Variants in LRFN2 observed in about 807,000 individuals in gnomAD.
LRFN2 encodes leucine-rich repeat and fibronectin type-III domain-containing protein 2.
LRFN2 carries 18 observed loss-of-function variants against 37.3 expected under a neutral mutation model. That is an observed-to-expected ratio of 0.48 (90% CI 0.33 to 0.72). The LOEUF (loss-of-function observed/expected upper bound fraction) is 0.72. LRFN2 is among the 30% of genes least tolerant of loss of function. The pLI is 0.02. For missense variants in LRFN2, 1,006 were observed against 1,060.7 expected (o/e 0.95, Z 0.72); for synonymous variants, 556 against 466.6 (o/e 1.19, Z -2.47).
intron 1 of LRFN2, among the ~76,000 whole-genome samples, chr6:40,447,825 C>T (rs1349614172): frequency 6.6e-6 from 1 of 152,158 alleles, no homozygotes; most frequent in Admixed American, 6.5e-5. Context: ...GCCCCTCATC[C>T]ATCTGGGCTC....
At position 40,554,371 on chromosome 6, in the gene LRFN2, C is replaced by T. The variant is rs1322600552; in HGVS notation, c.-19+32570G>A. On this transcript the variant is annotated intron_variant, in intron 1 of 2. Transcript: ENST00000338305. The stretch of plus-strand genomic sequence containing the variant: ...CGGCTGTCTCCCTGCCTTGGTTCCA[C>T]TCAGGAGAGAGCTAGAATGCAAGAT... 3.3e-5 allele frequency among the ~76,000 whole-genome samples: 5 copies of T among 152,240 alleles called. No homozygotes were observed. The East Asian group carries it at 9.7e-4, about 29-fold the overall frequency.
intron 1 of LRFN2, among the ~76,000 whole-genome samples, chr6:40,560,949 C>G (rs1299208525): frequency 6.6e-6 from 1 of 152,184 alleles, no homozygotes; most frequent in Non-Finnish European, 1.5e-5. Context: ...CCTCTGTCTT[C>G]CCTGTCTGTA....
intron 2 of LRFN2, among the ~76,000 whole-genome samples, chr6:40,424,887 G>T (rs962479929): frequency 1.3e-5 from 2 of 152,212 alleles, no homozygotes; most frequent in Non-Finnish European, 2.9e-5. Context: ...CATGGCCCCA[G>T]ATCCTGAGAT....
chr6:40,468,535 T>G (rs1458056509), intron 1 of LRFN2, among the ~76,000 whole-genome samples: 1 of 152,262 alleles, frequency 6.6e-6, no homozygotes, highest in African/African-American at 2.4e-5. Flanking sequence ...TTGTGTGCAC[T>G]TATTCCATTA....
chr6:40,475,283 A>G (rs1189549135), intron 1 of LRFN2, among the ~76,000 whole-genome samples: 1 of 152,210 alleles, frequency 6.6e-6, no homozygotes, highest in Non-Finnish European at 1.5e-5. Context: ...ATCGCAGGGA[A>G]GAGAGACAAG....
chr6:40,498,868 A>G (rs1405072501), intron 1 of LRFN2, among the ~76,000 whole-genome samples: 1 of 152,224 alleles, frequency 6.6e-6, no homozygotes, highest in Non-Finnish European at 1.5e-5. Flanking sequence ...TAAATAGTCC[A>G]CAAACATTTA....
chr6:40,544,482 C>T (rs1374090918), intron 1 of LRFN2, among the ~76,000 whole-genome samples: 1 of 152,214 alleles, frequency 6.6e-6, no homozygotes, highest in Non-Finnish European at 1.5e-5. Flanking sequence ...TGTTCCCCTG[C>T]AGCACCCTGG....
chr6:40,548,874 G>A (rs1766714117), intron 1 of LRFN2, among the ~76,000 whole-genome samples: 1 of 152,174 alleles, frequency 6.6e-6, no homozygotes, highest in Non-Finnish European at 1.5e-5. Flanking sequence ...ACAGAGCACA[G>A]GGAAATGAAG....
At chr6:40,410,174 C>T (rs1255300949) in intron 2 of LRFN2, among the ~76,000 whole-genome samples, 2 of 152,116 alleles carry the variant, frequency 1.3e-5, no homozygotes, top group East Asian at 1.9e-4. Flanking sequence ...GGAGCAGAGC[C>T]GTCCCCACCC....
At chr6:40,435,903 G>C (rs1763661863) in intron 1 of LRFN2, among the ~76,000 whole-genome samples, 1 of 151,996 alleles carries the variant, frequency 6.6e-6, no homozygotes, top group Non-Finnish European at 1.5e-5. Flanking sequence ...GCCTCTTTAA[G>C]GGTAAATCTC....
intron 1 of LRFN2, among the ~76,000 whole-genome samples, chr6:40,448,169 C>T (rs1003124277): frequency 1.5e-4 from 23 of 152,114 alleles, no homozygotes; most frequent in African/African-American, 4.6e-4. Flanking sequence ...ATCACTTGGC[C>T]TTGGGATTTG....
chr6:40,502,002 G>T (rs1230224180), intron 1 of LRFN2, among the ~76,000 whole-genome samples: 1 of 152,196 alleles, frequency 6.6e-6, no homozygotes, highest in Non-Finnish European at 1.5e-5. Context: ...CCCAGAGAGG[G>T]TGTCATCTGC....
chr6:40,442,508 T>C (rs919957717), intron 1 of LRFN2, among the ~76,000 whole-genome samples: 1 of 151,896 alleles, frequency 6.6e-6, no homozygotes, highest in Admixed American at 6.5e-5. Context: ...CAGGGCTGAG[T>C]CTCCCCTCAG....
intron 1 of LRFN2, chr6:40,501,543 G>A (rs187536742): frequency 1.3e-5 from 2 of 151,666 alleles, no homozygotes; most frequent in East Asian, 3.9e-4. Flanking sequence ...GCCCAGGCTG[G>A]TCTTAAACTC....
chr6:40,508,092 C>T (rs1297233512), intron 1 of LRFN2, among the ~76,000 whole-genome samples: 1 of 152,204 alleles, frequency 6.6e-6, no homozygotes, highest in Non-Finnish European at 1.5e-5. Context: ...AGCTCTGTTC[C>T]TTCACCAGCC....
intron 1 of LRFN2, among the ~76,000 whole-genome samples, chr6:40,554,802 C>T (rs552162430): frequency 1.4e-4 from 21 of 152,282 alleles, no homozygotes; most frequent in African/African-American, 4.8e-4. Context: ...ACTACCTATC[C>T]TCAGTCTACC....
At chr6:40,496,541 A>C (rs1239867739) in intron 1 of LRFN2, among the ~76,000 whole-genome samples, 1 of 151,902 alleles carries the variant, frequency 6.6e-6, no homozygotes, top group Admixed American at 6.5e-5. Context: ...TGCACTGATT[A>C]GTCCTCCTGC....
chr6:40,439,120 G>A (rs2113832421), intron 1 of LRFN2, among the ~76,000 whole-genome samples: 2 of 152,184 alleles, frequency 1.3e-5, no homozygotes, highest in East Asian at 1.9e-4. Context: ...CCAGACAGAA[G>A]AGGCAACAGT....
At chr6:40,397,675 G>A (rs1001113661) in intron 2 of LRFN2, among the ~76,000 whole-genome samples, 1 of 152,192 alleles carries the variant, frequency 6.6e-6, no homozygotes, top group South Asian at 2.1e-4. Context: ...TGGGCAGATG[G>A]CACTTCCTAG....
Sources: allele counts gnomAD v4.1 joint callset (sites outside exome capture counted in the v4.1 genomes callset), GRCh38; gene constraint gnomAD v4.1.1; transcripts MANE v1.5; gene names NCBI Gene and HGNC (gene_info 2026-07-23, HGNC 2026-07-21).